The following LIMS1 variants were observed in gnomAD, a reference collection of about 807,000 sequenced individuals.
LIMS1 encodes LIM zinc finger domain containing 1.
In LIMS1, 18 loss-of-function variants were observed where a neutral mutation model predicts 44.1. The observed-to-expected ratio is 0.41, with a 90% CI of 0.28 to 0.61. The LOEUF (loss-of-function observed/expected upper bound fraction) is 0.61. LIMS1 is among the 20% of genes least tolerant of loss of function. LIMS1 has a pLI of 0.32. For missense variants in LIMS1, 201 were observed against 422.0 expected (o/e 0.48, Z 4.59); for synonymous variants, 93 against 149.1 (o/e 0.62, Z 2.74).
intron 1 of LIMS1, among the ~76,000 whole-genome samples, chr2:108,630,629 A>C (rs1688862407): frequency 6.8e-6 from 1 of 146,874 alleles, no homozygotes; most frequent in South Asian, 2.1e-4. Flanking sequence ...TTTTTCATTT[A>C]TTTAGGGCTT....
chr2:108,682,041 C>T (rs1163740323), intron 9 of LIMS1, among the ~76,000 whole-genome samples: 1 of 152,136 alleles, frequency 6.6e-6, no homozygotes, highest in Non-Finnish European at 1.5e-5. Flanking sequence ...TGTCTTCAAA[C>T]TCTTTTTTTA....
chr2:108,551,408 C>T (rs1558783615), intron 1 of LIMS1, among the ~76,000 whole-genome samples: 1 of 139,660 alleles, frequency 7.2e-6, no homozygotes, highest in African/African-American at 2.6e-5. Context: ...ATATATTTAG[C>T]TATAATATAA....
intron 1 of LIMS1, among the ~76,000 whole-genome samples, chr2:108,636,106 G>A (rs137948086): frequency 3.9e-5 from 6 of 152,326 alleles, no homozygotes; most frequent in East Asian, 1.9e-4. Context: ...AGGAATAGCC[G>A]CTGTAAGGAG....
chr2:108,674,675 C>G (rs1419256480), intron 5 of LIMS1, among the ~76,000 whole-genome samples: 1 of 124,144 alleles, frequency 8.1e-6, no homozygotes, highest in South Asian at 2.9e-4. Context: ...GAGTGTGGAT[C>G]GCGCCACTGC....
intron 1 of LIMS1, among the ~76,000 whole-genome samples, chr2:108,656,568 G>T (rs1458413724): frequency 2.6e-5 from 4 of 151,758 alleles, no homozygotes; most frequent in Non-Finnish European, 5.9e-5. Context: ...GGCAAAAGAG[G>T]AAAGGGAAGC....
intron 1 of LIMS1, among the ~76,000 whole-genome samples, chr2:108,629,281 G>A (rs1328668515): frequency 6.6e-6 from 1 of 152,190 alleles, no homozygotes; most frequent in African/African-American, 2.4e-5. Flanking sequence ...TGTTCGGATG[G>A]AAAGAAGATG....
chr2:108,674,561 G>A lies in LIMS1; in HGVS notation c.531-1317G>A, dbSNP rs1328713806. Among the ~76,000 whole-genome samples the A allele has an allele frequency of 1.2e-4, 18 of 150,356 alleles. No homozygotes were observed. The East Asian group carries it at 3.4e-3, about 28-fold the overall frequency. On this transcript the variant is annotated intron_variant, in intron 5 of 9. Transcript: ENST00000544547. ...CATGGTGAAACCCCATCTCTACTAA[G>A]AATAAAAAAATTAGCCAGGCGTGGT...
chr2:108,648,083 A>G (rs1016861110), intron 1 of LIMS1, among the ~76,000 whole-genome samples: 15 of 152,226 alleles, frequency 9.9e-5, no homozygotes, highest in African/African-American at 3.1e-4. Flanking sequence ...GTCAGCCCAG[A>G]ATCTCCTTAA....
intron 1 of LIMS1, among the ~76,000 whole-genome samples, chr2:108,550,723 G>T (rs1352312214): frequency 6.6e-6 from 1 of 151,772 alleles, no homozygotes; most frequent in Non-Finnish European, 1.5e-5. Context: ...GGTTGAGGCA[G>T]GGGAATGGCG....
intron 2 of LIMS1, among the ~76,000 whole-genome samples, chr2:108,661,765 G>A (rs571906935): frequency 1.2e-4 from 18 of 152,262 alleles, no homozygotes; most frequent in Admixed American, 5.9e-4. Flanking sequence ...GAGGCCTGCG[G>A]GGACTATGGC....
chr2:108,569,764 C>CCTTTTTTTTTTTTTTTTTTTTT lies in LIMS1; in HGVS notation c.32+35170_32+35171insCTTTTTTTTTTTTTTTTTTTTT, dbSNP rs753691810. ...TACAAACACTCACCGCCATATCTGG[C>CCTTTTTTTTTTTTTTTTTTTTT]TTTTTTTTTTTTTTTTTTTAGTGAT... is the stretch of plus-strand genomic sequence containing the variant. On this transcript the variant is annotated intron_variant, in intron 1 of 9. Transcript: ENST00000544547. Among the ~76,000 whole-genome samples, 21 of 113,126 alleles carry CCTTTTTTTTTTTTTTTTTTTTT rather than the reference C, an allele frequency of 1.9e-4. 1 individual carries two copies. The highest frequency in any genetic ancestry group is 5.5e-4 in the African/African-American group (16 of 29,154). The allele number at this position is 113,126 out of a possible 152,430, so 74.2% of individuals were successfully genotyped here. A position where few individuals can be genotyped will look rare whatever the true frequency, so the allele number is the denominator to read the frequency against.
chr2:108,645,504 G>A (rs1689997635), intron 1 of LIMS1, among the ~76,000 whole-genome samples: 1 of 152,102 alleles, frequency 6.6e-6, no homozygotes, highest in Admixed American at 6.5e-5. Context: ...CACTAAACAT[G>A]GAAAGGAACA....
intron 1 of LIMS1, among the ~76,000 whole-genome samples, chr2:108,582,545 G>C (rs1685928139): frequency 6.6e-6 from 1 of 152,176 alleles, no homozygotes; most frequent in Non-Finnish European, 1.5e-5. Flanking sequence ...AAGGTCGGTG[G>C]ATCACTTGAG....
chr2:108,640,888 G>C (rs1689625906), intron 1 of LIMS1, among the ~76,000 whole-genome samples: 1 of 152,040 alleles, frequency 6.6e-6, no homozygotes, highest in African/African-American at 2.4e-5. Flanking sequence ...AACTATTCCT[G>C]TTACTCAGCT....
At chr2:108,659,319 A>AAC (rs1477115928) in intron 1 of LIMS1, among the ~76,000 whole-genome samples, 10 of 151,578 alleles carry the variant, frequency 6.6e-5, no homozygotes, top group African/African-American at 2.4e-4. Flanking sequence ...TCAGGTGCCT[A>AAC]ACACATAGTA....
chr2:108,629,156 C>CG, intron 1 of LIMS1, among the ~76,000 whole-genome samples: 1 of 151,978 alleles, frequency 6.6e-6, no homozygotes. Flanking sequence ...TCTAATTGAT[C>CG]GGGGTAATGA....
intron 1 of LIMS1, among the ~76,000 whole-genome samples, chr2:108,550,412 T>C (rs1268080083): frequency 1.3e-5 from 2 of 151,288 alleles, no homozygotes; most frequent in Non-Finnish European, 2.9e-5. Context: ...GGCAGGAGAA[T>C]AGCGTGAACC....
At chr2:108,665,903 C>G (rs1483190433) in intron 2 of LIMS1, among the ~76,000 whole-genome samples, 1 of 152,202 alleles carries the variant, frequency 6.6e-6, no homozygotes, top group African/African-American at 2.4e-5. Flanking sequence ...AGGGAAAGCT[C>G]TGGGAGAGCA....
chr2:108,639,136 A>C (rs1689488973), intron 1 of LIMS1, among the ~76,000 whole-genome samples: 1 of 152,202 alleles, frequency 6.6e-6, no homozygotes, highest in Non-Finnish European at 1.5e-5. Flanking sequence ...ATATCCAATG[A>C]AAATCTTACC....
Sources: allele counts gnomAD v4.1 joint callset (sites outside exome capture counted in the v4.1 genomes callset), GRCh38; gene constraint gnomAD v4.1.1; transcripts MANE v1.5; gene names NCBI Gene and HGNC (gene_info 2026-07-23, HGNC 2026-07-21).